The following ABCD2 variants were observed in gnomAD, a reference collection of about 807,000 sequenced individuals.
The protein encoded by ABCD2 is ATP binding cassette subfamily D member 2.
A neutral mutation model predicts 70.9 loss-of-function variants in ABCD2; 36 were observed. The observed-to-expected ratio is 0.51, with a 90% confidence interval of 0.39 to 0.67. ABCD2 has a LOEUF of 0.67. Among genes scored for constraint, ABCD2 ranks in the 30% least tolerant of loss-of-function variants. The probability of loss-of-function intolerance (pLI) is 0.00; values close to 1 mark genes in which losing one functional copy is unlikely to be tolerated. For synonymous variants in ABCD2, 304 were observed against 306.9 expected, an observed-to-expected ratio of 0.99 and a Z score of 0.10; for missense variants, 729 against 890.2, an observed-to-expected ratio of 0.82 and a Z score of 2.30.
chr12:39,572,091 C>T (rs548135055), intron 9 of ABCD2, among the ~76,000 whole-genome samples: 3 of 152,136 alleles, frequency 2.0e-5, no homozygotes, highest in East Asian at 1.9e-4. Context: ...AAAGGCATAG[C>T]CTTACAGATT....
the ABCD2 span, among the ~76,000 whole-genome samples, chr12:39,531,120 C>T: frequency 6.6e-5 from 10 of 152,070 alleles, no homozygotes; most frequent in Middle Eastern, 3.4e-3. Context: ...ATAGGGATAC[C>T]GCCGTGAACA....
the ABCD2 span, among the ~76,000 whole-genome samples, chr12:39,534,750 AAGAAAGAAAG>A: frequency 4.9e-5 from 5 of 101,308 alleles, no homozygotes; most frequent in East Asian, 3.8e-4. Flanking sequence ...GAAGGAAGGA[AAGAAAGAAAG>A]AGAAAGAAAG....
intron 7 of ABCD2, among the ~76,000 whole-genome samples, chr12:39,582,187 T>C (rs1941605249): frequency 6.6e-6 from 1 of 152,180 alleles, no homozygotes; most frequent in South Asian, 2.1e-4. Flanking sequence ...AAGGATATAA[T>C]AGTTTTTATT....
At position 39,551,177 on chromosome 12, in the gene ABCD2, A is replaced by T. The variant is rs1941082421; in HGVS notation, c.*2735T>A. ...CTGTTTTAGACTCATGCTTGGCATA[A>T]CATTACATGCTGTAGAAATATAATG... On this transcript the variant is annotated 3_prime_UTR_variant, in exon 10 of 10. Coordinates refer to ENST00000308666, the MANE Select transcript of ABCD2 (RefSeq NM_005164.4). 1 of 151,706 alleles carries T rather than the reference A, an allele frequency of 6.6e-6. No individual in the cohort carries two copies. Among genetic ancestry groups the T allele is most frequent in the Admixed American group, 6.6e-5 (1 of 15,184 alleles). The allele number at this position is 151,706 out of a possible 1,614,324, so 9.4% of individuals were successfully genotyped here. A position where few individuals can be genotyped will look rare whatever the true frequency, so the allele number is the denominator to read the frequency against.
In ABCD2 at chr12:39,619,079, T is replaced by C; in HGVS notation, c.537A>G (p.Leu179=). Residue 179 remains leucine (L), a synonymous_variant, in exon 1 of 10, where the codon CTA becomes CTG. Transcript: ENST00000308666. ...CKLALAFRTR[L]VDHAYETYFT... Reference sequence around the variant, plus strand: ...AATAGGTTTCATAGGCGTGGTCTACTAGGCGAGTTCTGAAGGCCAAAGCCA... The same window carrying C: ...AATAGGTTTCATAGGCGTGGTCTACCAGGCGAGTTCTGAAGGCCAAAGCCA... The C allele has an allele frequency of 1.2e-6, 2 of 1,614,230 alleles. No homozygotes were observed. The highest frequency in any genetic ancestry group is 8.5e-7 in the Non-Finnish European group (1 of 1,180,034).
At position 39,603,937 on chromosome 12, in the gene ABCD2, A is replaced by G. The variant is rs1941934657; in HGVS notation, c.1475T>C (p.Val492Ala). The G allele has an allele frequency of 6.2e-7, 1 of 1,612,526 alleles. No individual in the cohort carries two copies. The highest frequency in any genetic ancestry group is 8.5e-7 in the Non-Finnish European group (1 of 1,179,024). ...NVPIITPAGE[V>A]VASRLNFKVE... ...TTTGAAGTTTAGCCTGGAAGCCACCACTTCTCCTGCTGGTGTAATTATGGG... is the reference window on the plus strand; with the variant it reads ...TTTGAAGTTTAGCCTGGAAGCCACCGCTTCTCCTGCTGGTGTAATTATGGG... Residue 492 changes from valine (V) to alanine (A), a missense_variant, in exon 5 of 10, where the codon GTG becomes GCG. Coordinates refer to ENST00000308666, the MANE Select transcript of ABCD2 (RefSeq NM_005164.4).
chr12:39,555,389 C>T (rs149510789), intron 9 of ABCD2, among the ~76,000 whole-genome samples: 26 of 152,244 alleles, frequency 1.7e-4, no homozygotes, highest in East Asian at 7.7e-4. Flanking sequence ...AGTGATCATC[C>T]GCTTGCAGGA....
chr12:39,535,917 C>A, the ABCD2 span, among the ~76,000 whole-genome samples: 2 of 152,094 alleles, frequency 1.3e-5, no homozygotes, highest in African/African-American at 2.4e-5. Flanking sequence ...CGGAGGCAGG[C>A]AGATCACTTG....
chr12:39,589,394 T>G (rs1402229109), intron 6 of ABCD2, among the ~76,000 whole-genome samples: 1 of 149,108 alleles, frequency 6.7e-6, no homozygotes, highest in African/African-American at 2.5e-5. Flanking sequence ...GTTTTTTTTT[T>G]TTTTTTTTTT....
chr12:39,577,827 TG>T (rs1204525783), intron 8 of ABCD2, among the ~76,000 whole-genome samples: 2 of 152,168 alleles, frequency 1.3e-5, no homozygotes, highest in African/African-American at 4.8e-5. Flanking sequence ...TTTTAAAAAA[TG>T]AGTAGATAAA....
chr12:39,534,443 C>A, the ABCD2 span, among the ~76,000 whole-genome samples: 1 of 152,130 alleles, frequency 6.6e-6, no homozygotes, highest in East Asian at 1.9e-4. Flanking sequence ...GGGCTTACAC[C>A]AGCTTCATAG....
intron 7 of ABCD2, among the ~76,000 whole-genome samples, chr12:39,585,049 C>A (rs975205573): frequency 1.3e-5 from 2 of 152,038 alleles, no homozygotes; most frequent in African/African-American, 2.4e-5. Flanking sequence ...TTTCCTAGTT[C>A]TGTGAAGAAT....
chr12:39,617,236 A>G, intron 1 of ABCD2, 68 bp from the exon 2 acceptor site: 1 of 825,916 alleles, frequency 1.2e-6, no homozygotes, highest in African/African-American at 1.8e-5. Flanking sequence ...TTTTTTTTTT[A>G]GTATGGCATT....
chr12:39,589,121 T>C (rs901618353), intron 6 of ABCD2, among the ~76,000 whole-genome samples: 2 of 152,150 alleles, frequency 1.3e-5, no homozygotes, highest in African/African-American at 4.8e-5. Context: ...ACAAGGTGTA[T>C]ATTGTGTGTG....
chr12:39,551,477 G>A lies in ABCD2; in HGVS notation c.*2435C>T, dbSNP rs1394855751. ...TAAAATATAAGAGTAGTAAAATATGGTATACCCATTGGACCATTTGGAAAC... is the reference window on the plus strand; with the variant it reads ...TAAAATATAAGAGTAGTAAAATATGATATACCCATTGGACCATTTGGAAAC... On this transcript the variant is annotated 3_prime_UTR_variant, in exon 10 of 10. Transcript: ENST00000308666. 6.6e-6 allele frequency: 1 copy of A among 151,532 alleles called. No homozygotes were observed. The highest frequency in any genetic ancestry group is 1.5e-5 in the Non-Finnish European group (1 of 67,680). The allele number at this position is 151,532 out of a possible 1,614,324, so 9.4% of individuals were successfully genotyped here.
Position 39,552,916 on chromosome 12 carries a change from AGT to A in ABCD2, c.*994_*995del, listed in dbSNP as rs1280659962. 3.9e-5 allele frequency: 6 copies of A among 152,104 alleles called. No individual in the cohort carries two copies. The highest frequency in any genetic ancestry group is 7.4e-5 in the Non-Finnish European group (5 of 67,872). 9.4% of individuals were successfully genotyped at this position (152,104 alleles called of 1,614,324 possible). A position where few individuals can be genotyped will look rare whatever the true frequency, so the allele number is the denominator to read the frequency against. On this transcript the variant is annotated 3_prime_UTR_variant, in exon 10 of 10. Transcript: ENST00000308666. Reference sequence around the variant, plus strand: ...AAAGTGCATGATTAGGGCAAGTCTGAGTGTCAATTTTCTCAAAAGCAAAGTAG... The same window carrying A: ...AAAGTGCATGATTAGGGCAAGTCTGAGTCAATTTTCTCAAAAGCAAAGTAG...
chr12:39,562,761 A>G (rs1806679361), intron 9 of ABCD2, among the ~76,000 whole-genome samples: 1 of 152,188 alleles, frequency 6.6e-6, no homozygotes, highest in African/African-American at 2.4e-5. Context: ...TTAGTTCTCA[A>G]ACTATTCCAA....
chr12:39,543,739 T>C, the ABCD2 span, among the ~76,000 whole-genome samples: 1 of 152,252 alleles, frequency 6.6e-6, no homozygotes, highest in African/African-American at 2.4e-5. Flanking sequence ...ATTATTGGCA[T>C]GTGCCTATTT....
Position 39,553,811 on chromosome 12 carries a change from C to A in ABCD2, c.*101G>T. Reference sequence around the variant, plus strand: ...AAATCTTATAAAACATGTCTTGCTGCCTTTTTTTCTCTGTGCTTAGCTTAA... The same window carrying A: ...AAATCTTATAAAACATGTCTTGCTGACTTTTTTTCTCTGTGCTTAGCTTAA... On this transcript the variant is annotated 3_prime_UTR_variant, in exon 10 of 10. Transcript: ENST00000308666. 2.4e-6 allele frequency: 2 copies of A among 843,870 alleles called. No homozygotes were observed. Among genetic ancestry groups the A allele is most frequent in the Non-Finnish European group, 3.6e-6 (2 of 559,610 alleles). The allele number at this position is 843,870 out of a possible 1,614,324, so 52.3% of individuals were successfully genotyped here.
Sources: allele counts gnomAD v4.1 joint callset (sites outside exome capture counted in the v4.1 genomes callset), GRCh38; gene constraint gnomAD v4.1.1; transcripts MANE v1.5; gene names NCBI Gene and HGNC (gene_info 2026-07-23, HGNC 2026-07-21).